The following SPATA31D1 variants were observed in gnomAD, a reference collection of about 807,000 sequenced individuals.
SPATA31D1 encodes SPATA31 subfamily D member 1.
In SPATA31D1, 6 loss-of-function variants were observed where a neutral mutation model predicts 13.2. That is an observed-to-expected ratio of 0.46 (90% CI 0.25 to 0.90). The LOEUF is 0.90. Among genes scored for constraint, SPATA31D1 ranks in the 40% least tolerant of loss-of-function variants. The pLI, the probability that SPATA31D1 is intolerant of heterozygous loss-of-function variation, is 0.18. For missense variants in SPATA31D1, 2,445 were observed against 1,884.7 expected (o/e 1.30, Z -5.50); for synonymous variants, 903 against 718.8 (o/e 1.26, Z -4.10).
rs532211151 is a variant in SPATA31D1 at position 81,993,380 on chromosome 9, A to C, written c.2910A>C (p.Gln970His). ...VSKSRSRSTF[Q>H]GEKLGTTSSV... ...AGTCCCGTAGTCGAAGCACTTTTCA[A>C]GGAGAAAAGTTGGGAACAACAAGCT... is the stretch of plus-strand genomic sequence containing the variant. The change falls in exon 4 of 4, where the codon CAA becomes CAC. Residue 970 changes from glutamine to histidine, a missense_variant. Gln to His is a conservative substitution (Grantham distance 24). Coordinates refer to ENST00000344803, the MANE Select transcript of SPATA31D1 (RefSeq NM_001001670.3). The C allele has an allele frequency of 5.6e-6, 9 of 1,613,844 alleles. No individual in the cohort carries two copies. Among genetic ancestry groups the C allele is most frequent in the Non-Finnish European group, 7.6e-6 (9 of 1,179,886 alleles).
chr9:81,994,559 A>C lies in SPATA31D1; in HGVS notation c.4089A>C (p.Lys1363Asn). 6.2e-7 allele frequency: 1 copy of C among 1,613,148 alleles called. No individual in the cohort carries two copies. Among genetic ancestry groups the C allele is most frequent in the Non-Finnish European group, 8.5e-7 (1 of 1,179,486 alleles). ...WMKTSLQWFN[K>N]PSISYEEQES... ...AGACCTCTTTGCAGTGGTTTAATAA[A>C]CCCAGCATATCATATGAAGAACAAG... Residue 1363 changes from lysine to asparagine, a missense_variant, in exon 4 of 4, where the codon AAA (lysine) becomes AAC (asparagine). Coordinates refer to ENST00000344803, the MANE Select transcript of SPATA31D1 (RefSeq NM_001001670.3).
rs1219336579 is a variant in SPATA31D1 at position 81,990,460 on chromosome 9, A to G, written c.276A>G (p.Glu92=). The G allele has an allele frequency of 6.2e-7, 1 of 1,608,624 alleles. No individual in the cohort carries two copies. ...GTTTCCAGAGAGAAGAGGAAGAGGA[A>G]AGGAAGCTGCTTTCTCTTCTGAAAA... ...WKSFQREEEE[E]RKLLSLLKSF... Residue 92 remains glutamate (E), a synonymous_variant, in exon 3 of 4, where the codon GAA becomes GAG. Transcript: ENST00000344803.
intron 2 of SPATA31D1, 91 bp from the exon 3 acceptor site, chr9:81,990,326 C>G: frequency 1.1e-6 from 1 of 905,492 alleles, no homozygotes; most frequent in East Asian, 2.6e-5. Context: ...TCTTGGGGCT[C>G]TCAGAGTTTA....
Position 81,993,877 on chromosome 9 carries a change from A to T in SPATA31D1, c.3407A>T (p.Asn1136Ile), listed in dbSNP as rs755657862. ...GATAAGAGAAAGAGTTCCTTTCATA[A>T]TGTAGACAGGCTTCAGGGCAGTAGA... ...SWDKRKSSFHNVDRLQGSRKT... is the reference protein window; with the variant it reads ...SWDKRKSSFHIVDRLQGSRKT... Residue 1136 changes from asparagine to isoleucine, a missense_variant, in exon 4 of 4, where the codon AAT becomes ATT. Physicochemically the swap from Asn to Ile is moderately radical, Grantham distance 149 (BLOSUM62 -3). Coordinates refer to ENST00000344803, the MANE Select transcript of SPATA31D1 (RefSeq NM_001001670.3). 3.4e-5 allele frequency: 55 copies of T among 1,613,906 alleles called. No homozygotes were observed. The highest frequency in any genetic ancestry group is 1.5e-4 in the Admixed American group (9 of 60,010).
Position 81,993,399 on chromosome 9 carries a change from A to G in SPATA31D1, c.2929A>G (p.Thr977Ala). 2.5e-6 allele frequency: 4 copies of G among 1,613,916 alleles called. No individual in the cohort carries two copies. The highest frequency in any genetic ancestry group is 3.4e-6 in the Non-Finnish European group (4 of 1,179,886). The change falls in exon 4 of 4, where the codon ACA becomes GCA. Residue 977 changes from threonine (T) to alanine (A), a missense_variant. Transcript: ENST00000344803. ...STFQGEKLGT[T>A]SSVPILDRPH... ...TTTTCAAGGAGAAAAGTTGGGAACA[A>G]CAAGCTCAGTCCCCATCCTTGATCG... is the stretch of plus-strand genomic sequence containing the variant.
chr9:81,991,393 A>C lies in SPATA31D1; in HGVS notation c.923A>C (p.Asp308Ala), dbSNP rs1157976921. 3 of 1,614,034 alleles carry C rather than the reference A, an allele frequency of 1.9e-6. No homozygotes were observed. ...PPIPSALPPE[D>A]CTVTQSKSSL... ...ATCCCATCTGCTTTACCACCGGAAGATTGCACTGTGACTCAGTCTAAATCA... is the reference window on the plus strand; with the variant it reads ...ATCCCATCTGCTTTACCACCGGAAGCTTGCACTGTGACTCAGTCTAAATCA... The change falls in exon 4 of 4, where the codon GAT (aspartate) becomes GCT (alanine). Residue 308 changes from aspartate (D) to alanine (A), a missense_variant. By Grantham distance (126) the Asp-to-Ala change is moderately radical (BLOSUM62 -2). Transcript: ENST00000344803.
At chr9:81,989,726 G>A (rs1824915023) in intron 1 of SPATA31D1, 52 bp from the exon 2 acceptor site, 1 of 1,591,824 alleles carries the variant, frequency 6.3e-7, no homozygotes, top group African/African-American at 1.3e-5. Flanking sequence ...GAGCTTCATA[G>A]AGAGTGAGAG....
At position 81,991,776 on chromosome 9, in the gene SPATA31D1, G is replaced by T; in HGVS notation, c.1306G>T (p.Gly436Ter). The T allele has an allele frequency of 3.1e-6, 5 of 1,613,762 alleles. No homozygotes were observed. Among genetic ancestry groups the T allele is most frequent in the Non-Finnish European group, 3.4e-6 (4 of 1,179,726 alleles). The change falls in exon 4 of 4, where the codon GGA becomes TGA. Residue 436 changes from glycine to a stop codon, truncating the protein, a stop_gained. Coordinates refer to ENST00000344803, the MANE Select transcript of SPATA31D1 (RefSeq NM_001001670.3). LOFTEE classifies it low-confidence loss of function (END_TRUNC). ...GTGGAAAGAAAATGGAAAGAAACCA[G>T]GATCATTCCCAAAACAACTTAGGCC... ...LMWKENGKKPGSFPKQLRPNY... is the reference protein window; with the variant it reads ...LMWKENGKKP
intron 2 of SPATA31D1, 91 bp from the exon 3 acceptor site, chr9:81,990,326 C>A (rs555745869): frequency 3.3e-5 from 30 of 905,492 alleles, no homozygotes; most frequent in East Asian, 1.6e-4. Flanking sequence ...TCTTGGGGCT[C>A]TCAGAGTTTA....
At chr9:81,987,571 T>C (rs1824878194), upstream of SPATA31D1, among the ~76,000 whole-genome samples, 1 of 152,178 alleles carries the variant, frequency 6.6e-6, no homozygotes. Flanking sequence ...GAGAGTATGT[T>C]CCAAAAGTGC....
rs2133436771 is a variant in SPATA31D1, at chr9:81,989,922, TGC to T, written c.232+100_232+101del. 3 of 1,387,830 alleles carry T rather than the reference TGC, an allele frequency of 2.2e-6. No individual in the cohort carries two copies. The South Asian group carries it at 4.0e-5, about 18-fold the overall frequency. The allele number at this position is 1,387,830 out of a possible 1,614,324, so 86.0% of individuals were successfully genotyped here. A position where few individuals can be genotyped will look rare whatever the true frequency, so the allele number is the denominator to read the frequency against. On this transcript the variant is annotated intron_variant, in intron 2 of 3. Coordinates refer to ENST00000344803, the MANE Select transcript of SPATA31D1 (RefSeq NM_001001670.3). The stretch of plus-strand genomic sequence containing the variant: ...ATTTCTTAGAATGTCAGTTACTAGA[TGC>T]AGTCTTAGAAAACAGAGCCCTCAGA...
rs760808369 is a variant in SPATA31D1 at position 81,995,038 on chromosome 9, C to T, written c.4568C>T (p.Pro1523Leu). Residue 1523 changes from proline (P) to leucine (L), a missense_variant, in exon 4 of 4, where the codon CCT becomes CTT. Coordinates refer to ENST00000344803, the MANE Select transcript of SPATA31D1 (RefSeq NM_001001670.3). ...CCCCAATCCATGCCCCACAGGAAGC[C>T]TGTGCCACATCCAAACCCCACTTGC... ...SHPQSMPHRK[P>L]VPHPNPTCRR... 7 of 1,613,948 alleles carry T rather than the reference C, an allele frequency of 4.3e-6. No homozygotes were observed. The highest frequency in any genetic ancestry group is 5.9e-6 in the Non-Finnish European group (7 of 1,179,864).
In SPATA31D1 at chr9:81,993,710, G is replaced by A; in HGVS notation, c.3240G>A (p.Arg1080=). Reference sequence around the variant, plus strand: ...ACAATGATCTTACAGAAAGTGTCCGGACAACAGAGGATGGCAGACAGACTT... The same window carrying A: ...ACAATGATCTTACAGAAAGTGTCCGAACAACAGAGGATGGCAGACAGACTT... ...DTDNDLTESV[R]TTEDGRQTFL... is the part of the protein sequence containing the mutation. The change falls in exon 4 of 4, where the codon CGG becomes CGA. Residue 1080 remains arginine, a synonymous_variant. Coordinates refer to ENST00000344803, the MANE Select transcript of SPATA31D1 (RefSeq NM_001001670.3). 6.2e-7 allele frequency: 1 copy of A among 1,613,990 alleles called. No homozygotes were observed. Among genetic ancestry groups the A allele is most frequent in the Admixed American group, 1.7e-5 (1 of 60,024 alleles).
chr9:81,990,712 T>A, intron 3 of SPATA31D1, 61 bp from the exon 4 acceptor site: 1 of 1,543,504 alleles, frequency 6.5e-7, no homozygotes, highest in Non-Finnish European at 8.8e-7. Flanking sequence ...CAGCAGGCTT[T>A]AGGGAACCCA....
In SPATA31D1 at chr9:81,993,407, A is replaced by C; in HGVS notation, c.2937A>C (p.Ser979=). 6.2e-7 allele frequency: 1 copy of C among 1,613,960 alleles called. No homozygotes were observed. The highest frequency in any genetic ancestry group is 8.5e-7 in the Non-Finnish European group (1 of 1,179,866). ...FQGEKLGTTS[S]VPILDRPHPV... Reference sequence around the variant, plus strand: ...GAGAAAAGTTGGGAACAACAAGCTCAGTCCCCATCCTTGATCGTCCTCACC... The same window carrying C: ...GAGAAAAGTTGGGAACAACAAGCTCCGTCCCCATCCTTGATCGTCCTCACC... Residue 979 remains serine, a synonymous_variant, in exon 4 of 4, where the codon TCA becomes TCC. Transcript: ENST00000344803.
chr9:81,988,595 T>C (rs979062001), upstream of SPATA31D1, among the ~76,000 whole-genome samples: 2 of 151,524 alleles, frequency 1.3e-5, no homozygotes, highest in African/African-American at 2.4e-5. Flanking sequence ...AGGGATGGAG[T>C]TGGGAAATGG....
rs1825057921 is a variant in SPATA31D1 at position 81,994,632 on chromosome 9, A to G, written c.4162A>G (p.Ile1388Val). The G allele has an allele frequency of 6.2e-7, 1 of 1,613,352 alleles. No homozygotes were observed. Among genetic ancestry groups the G allele is most frequent in the East Asian group, 2.2e-5 (1 of 44,866 alleles). ...GSSLSSCVQN[I>V]GRVIRAAFTG... ...CTCCCTGTCATCATGTGTGCAGAAT[A>G]TTGGTCGAGTTATAAGAGCTGCCTT... is the stretch of plus-strand genomic sequence containing the variant. The change falls in exon 4 of 4, where the codon ATT (isoleucine) becomes GTT (valine). Residue 1388 changes from isoleucine to valine, a missense_variant. Coordinates refer to ENST00000344803, the MANE Select transcript of SPATA31D1 (RefSeq NM_001001670.3).
rs1399728628 is a variant in SPATA31D1 at position 81,994,602 on chromosome 9, G to C, written c.4132G>C (p.Gly1378Arg). 3 of 1,612,872 alleles carry C rather than the reference G, an allele frequency of 1.9e-6. No individual in the cohort carries two copies. Among genetic ancestry groups the C allele is most frequent in the Non-Finnish European group, 2.5e-6 (3 of 1,179,418 alleles). Residue 1378 changes from glycine to arginine, a missense_variant, in exon 4 of 4, where the codon GGT becomes CGT. Physicochemically the swap from Gly to Arg is moderately radical, Grantham distance 125. Transcript: ENST00000344803. ...AGAACAAGAAAGTTCCTGGGAAAAG[G>C]GTAGCTCCCTGTCATCATGTGTGCA... ...YEEQESSWEK[G>R]SSLSSCVQNI...
intron 2 of SPATA31D1, 63 bp from the exon 3 acceptor site, chr9:81,990,354 C>A: frequency 7.9e-7 from 1 of 1,263,942 alleles, no homozygotes; most frequent in South Asian, 1.5e-5. Flanking sequence ...AAGGGTCTTC[C>A]ACAGATTGAC....
Sources: allele counts gnomAD v4.1 joint callset (sites outside exome capture counted in the v4.1 genomes callset), GRCh38; gene constraint gnomAD v4.1.1; transcripts MANE v1.5; gene names NCBI Gene and HGNC (gene_info 2026-07-23, HGNC 2026-07-21).